The following LYST variants were observed in gnomAD, a reference collection of about 807,000 sequenced individuals.
LYST encodes the protein lysosomal-trafficking regulator.
LYST carries 192 observed loss-of-function variants against 413.6 expected under a neutral mutation model. The observed-to-expected ratio is 0.46, with a 90% CI of 0.41 to 0.52. The LOEUF is 0.52. Ranked by LOEUF, LYST falls within the 20% of genes least tolerant of loss-of-function variation. The probability of loss-of-function intolerance (pLI) is 0.00; values close to 1 mark genes in which losing one functional copy is unlikely to be tolerated. For synonymous variants in LYST, 1,525 were observed against 1,567.3 expected, an observed-to-expected ratio of 0.97 and a Z score of 0.64; for missense variants, 3,815 against 4,499.9, an observed-to-expected ratio of 0.85 and a Z score of 4.35.
intron 4 of LYST, among the ~76,000 whole-genome samples, chr1:235,811,212 T>C (rs1201049896): frequency 1.3e-5 from 2 of 152,210 alleles, no homozygotes; most frequent in African/African-American, 4.8e-5. Flanking sequence ...CTATATATTA[T>C]ATTCTAACTT....
chr1:235,809,748 A>G lies in LYST; in HGVS notation c.1070T>C (p.Leu357Pro), dbSNP rs372095923. 6.2e-7 allele frequency: 1 copy of G among 1,613,968 alleles called. No individual in the cohort carries two copies. Among genetic ancestry groups the G allele is most frequent in the Non-Finnish European group, 8.5e-7 (1 of 1,179,992 alleles). ...TATTCTAATTTTTAAAGCTGCTCTA[A>G]GCAATTCAGTTAAATTTTTCCTAAG... is the stretch of plus-strand genomic sequence containing the variant. The part of the protein sequence containing the change: ...ENLRKNLTEL[L>P]RAALKIRICL... Residue 357 changes from leucine (L) to proline (P), a missense_variant, in exon 5 of 53, where the codon CTT (leucine) becomes CCT (proline). Physicochemically the swap from Leu to Pro is moderately conservative, Grantham distance 98. Coordinates refer to ENST00000389793, the MANE Select transcript of LYST (RefSeq NM_000081.4). This position sits in a 1 kb window ranked among gnomAD's most constrained non-coding sequence, Gnocchi z 4.0.
At chr1:235,856,850 C>T (rs1679245280) in intron 1 of LYST, among the ~76,000 whole-genome samples, 1 of 151,006 alleles carries the variant, frequency 6.6e-6, no homozygotes, top group Non-Finnish European at 1.5e-5. Flanking sequence ...AGTAAAGGTA[C>T]AATGAAGTCT....
intron 40 of LYST, 25 bp downstream of exon 40, chr1:235,720,635 TA>T (rs747333053): frequency 6.2e-7 from 1 of 1,611,128 alleles, no homozygotes; most frequent in East Asian, 2.2e-5. Context: ...GGATGAACCC[TA>T]AAGGTGATGA....
chr1:235,693,571 A>C, intron 46 of LYST, 85 bp from the exon 47 acceptor site: 1 of 1,395,340 alleles, frequency 7.2e-7, no homozygotes, highest in Non-Finnish European at 1.0e-6. Flanking sequence ...TTAAAGGGTG[A>C]AGTTTACATA....
chr1:235,795,338 G>C (rs1417306332), intron 10 of LYST, among the ~76,000 whole-genome samples: 1 of 152,070 alleles, frequency 6.6e-6, no homozygotes, highest in African/African-American at 2.4e-5. Context: ...TGGCTACTGA[G>C]TGTAACTGTA....
At position 235,759,018 on chromosome 1, in the gene LYST, A is replaced by C. The variant is rs767058015; in HGVS notation, c.6835T>G (p.Ser2279Ala). 6.2e-7 allele frequency: 1 copy of C among 1,614,066 alleles called. No individual in the cohort carries two copies. The highest frequency in any genetic ancestry group is 2.2e-5 in the East Asian group (1 of 44,862). Residue 2279 changes from serine (S) to alanine (A), a missense_variant, in exon 23 of 53, where the codon TCT becomes GCT. Physicochemically the swap from Ser to Ala is moderately conservative, Grantham distance 99. Around this residue, in one of 4 missense-constraint regions of LYST, gnomAD observed 771 missense variants for 837.1 expected, o/e 0.92. Coordinates refer to ENST00000389793, the MANE Select transcript of LYST (RefSeq NM_000081.4). ...NTDDWENFAY[S>A]LGYEPNYNRT... ...TTGTAATTTGGCTCATAACCAAGAG[A>C]ATAGGCAAAGTTTTCCCAATCATCA... is the stretch of plus-strand genomic sequence containing the variant.
At chr1:235,682,189 T>C (rs1357157563) in intron 48 of LYST, among the ~76,000 whole-genome samples, 3 of 152,154 alleles carry the variant, frequency 2.0e-5, no homozygotes, top group African/African-American at 7.2e-5. Context: ...TGTGTGCCTG[T>C]AGCCCCAGCT....
chr1:235,825,683 A>G (rs144286603), intron 3 of LYST, among the ~76,000 whole-genome samples: 16 of 152,364 alleles, frequency 1.1e-4, no homozygotes, highest in African/African-American at 3.8e-4. Flanking sequence ...AACAAACTAA[A>G]GAAGACATAA....
chr1:235,800,937 A>T lies in LYST; in HGVS notation c.3873T>A (p.His1291Gln), dbSNP rs1243955822. The T allele has an allele frequency of 6.2e-7, 1 of 1,613,834 alleles. No homozygotes were observed. Among genetic ancestry groups the T allele is most frequent in the South Asian group, 1.1e-5 (1 of 91,070 alleles). ...ASKAKLDVLA[H>Q]VFESFLKIIR... is the part of the protein sequence containing the mutation. ...TAATTTTCAAAAAACTCTCAAATACATGGGCAAGCACATCAAGTTTGGCTT... is the reference window on the plus strand; with the variant it reads ...TAATTTTCAAAAAACTCTCAAATACTTGGGCAAGCACATCAAGTTTGGCTT... The change falls in exon 9 of 53, where the codon CAT becomes CAA. Residue 1291 changes from histidine (H) to glutamine (Q), a missense_variant. Physicochemically the swap from His to Gln is conservative, Grantham distance 24. This residue lies in a region of LYST where 1,648 missense variants were observed against 1,810.3 expected (regional missense o/e 0.91). Coordinates refer to ENST00000389793, the MANE Select transcript of LYST (RefSeq NM_000081.4).
At chr1:235,772,516 G>A (rs12071764) in intron 19 of LYST, among the ~76,000 whole-genome samples, 5,401 of 152,046 alleles carry the variant, frequency 0.036, 314 homozygotes, top group African/African-American at 0.12. Context: ...ATACTATTAA[G>A]ATTGCTTAAA....
rs775575669 is a variant in LYST, at chr1:235,664,836, G to A, written c.11039-215C>T. Among the ~76,000 whole-genome samples, 8 of 152,058 alleles carry A rather than the reference G, an allele frequency of 5.3e-5. No homozygotes were observed. The highest frequency in any genetic ancestry group is 1.9e-4 in the East Asian group (1 of 5,192). On this transcript the variant is annotated intron_variant, in intron 50 of 52. Transcript: ENST00000389793. The surrounding 1 kb of genome is among the most constrained non-coding windows in gnomAD (Gnocchi z 4.5). ...TTTTGAGACAGAGTCTAACTCTGTC[G>A]CCCAGGCTGGAGTGCAGTGGTGTGA...
intron 48 of LYST, 27 bp from the exon 49 acceptor site, chr1:235,677,646 T>C: frequency 6.3e-7 from 1 of 1,591,162 alleles, no homozygotes; most frequent in Non-Finnish European, 8.6e-7. Flanking sequence ...AAGTATGAGA[T>C]AAAAACCACA....
intron 3 of LYST, among the ~76,000 whole-genome samples, chr1:235,823,374 T>G (rs985702759): frequency 6.6e-6 from 1 of 152,258 alleles, no homozygotes; most frequent in Non-Finnish European, 1.5e-5. Context: ...TATAGTAAAT[T>G]AATGCTCATT....
intron 1 of LYST, among the ~76,000 whole-genome samples, chr1:235,846,847 T>C (rs1379219746): frequency 6.6e-6 from 1 of 151,786 alleles, no homozygotes; most frequent in Non-Finnish European, 1.5e-5. Flanking sequence ...AATACGAAAA[T>C]ATGAACAAAG....
At chr1:235,876,130 G>C (rs954466706) in intron 1 of LYST, among the ~76,000 whole-genome samples, 1 of 152,172 alleles carries the variant, frequency 6.6e-6, no homozygotes, top group East Asian at 1.9e-4. Flanking sequence ...GCTGAGGTGA[G>C]AGGATCACTT....
chr1:235,666,221 T>TAC (rs1405234194), intron 50 of LYST, among the ~76,000 whole-genome samples: 19 of 116,250 alleles, frequency 1.6e-4, no homozygotes, highest in African/African-American at 4.5e-4. Flanking sequence ...ATGCAGTATG[T>TAC]ACATACACAC....
At chr1:235,845,381 G>A (rs1407418467) in intron 1 of LYST, among the ~76,000 whole-genome samples, 1 of 152,164 alleles carries the variant, frequency 6.6e-6, no homozygotes, top group Non-Finnish European at 1.5e-5. Flanking sequence ...GGCACCACAA[G>A]GATCCATTGG....
At chr1:235,728,213 C>T in intron 37 of LYST, 82 bp from the exon 38 acceptor site, 2 of 990,118 alleles carry the variant, frequency 2.0e-6, no homozygotes, top group Non-Finnish European at 3.2e-6. Flanking sequence ...TCTCTGGAGT[C>T]CTTTGGTCTG....
intron 11 of LYST, 137 bp downstream of exon 11, chr1:235,793,366 A>G: frequency 1.9e-6 from 1 of 529,246 alleles, no homozygotes; most frequent in Non-Finnish European, 3.4e-6. Flanking sequence ...ACATAATAAC[A>G]TGAAATTGCC....
Sources: allele counts gnomAD v4.1 joint callset (sites outside exome capture counted in the v4.1 genomes callset), GRCh38; gene constraint gnomAD v4.1.1; regional missense constraint gnomAD v4.1.1; non-coding constraint Gnocchi (gnomAD v3.1); transcripts MANE v1.5; gene names NCBI Gene and HGNC (gene_info 2026-07-23, HGNC 2026-07-21).